The following MDFIC variants were observed in gnomAD, a reference collection of about 807,000 sequenced individuals.
The protein encoded by MDFIC is MyoD family inhibitor domain containing.
MDFIC carries 17 observed loss-of-function variants against 23.2 expected under a neutral mutation model. The ratio of observed to expected loss-of-function variants is 0.73; its 90% CI spans 0.50 to 1.10. The LOEUF (loss-of-function observed/expected upper bound fraction) is 1.10. MDFIC is among the 50% of genes least tolerant of loss of function. The pLI, the probability that MDFIC is intolerant of heterozygous loss-of-function variation, is 0.00. For missense variants in MDFIC, 356 were observed against 316.6 expected (o/e 1.12, Z -0.95); for synonymous variants, 120 against 115.2 (o/e 1.04, Z -0.27).
chr7:115,010,123 A>G (rs1447444745), intron 4 of MDFIC, among the ~76,000 whole-genome samples: 1 of 152,108 alleles, frequency 6.6e-6, no homozygotes, highest in African/African-American at 2.4e-5. Context: ...CAGAGGACCC[A>G]TTTTTTTAAA....
chr7:114,962,933 T>G (rs1447498263), intron 3 of MDFIC, among the ~76,000 whole-genome samples: 1 of 152,224 alleles, frequency 6.6e-6, no homozygotes, highest in Non-Finnish European at 1.5e-5. Flanking sequence ...TAAATAAGTT[T>G]GTATATTTCA....
intron 2 of MDFIC, among the ~76,000 whole-genome samples, chr7:114,932,231 A>C (rs1450371527): frequency 2.0e-5 from 3 of 152,216 alleles, no homozygotes; most frequent in Non-Finnish European, 2.9e-5. Flanking sequence ...TTCATACTTC[A>C]GCTAAGGAGT....
chr7:114,958,399 G>A (rs1387378743), intron 3 of MDFIC, among the ~76,000 whole-genome samples: 4 of 152,166 alleles, frequency 2.6e-5, no homozygotes, highest in Non-Finnish European at 5.9e-5. Context: ...GCATAATTTT[G>A]TGAAGTCTTT....
In MDFIC at chr7:114,979,793, A is replaced by G; in HGVS notation, c.493+12A>G. On this transcript the variant is annotated intron_variant, in intron 4 of 4. Transcript: ENST00000393486. ...CTCTTCACCTGAAGGTAAGTTTGAG[A>G]TATATGTAGATTTTATTTGACCAGA... The G allele has an allele frequency of 6.2e-7, 1 of 1,609,652 alleles. No homozygotes were observed. The highest frequency in any genetic ancestry group is 1.7e-5 in the Admixed American group (1 of 59,688).
chr7:114,932,367 A>C (rs1792326996), intron 2 of MDFIC, among the ~76,000 whole-genome samples: 1 of 152,168 alleles, frequency 6.6e-6, no homozygotes, highest in South Asian at 2.1e-4. Context: ...TACTAGCAGG[A>C]TCTGGTAATT....
At position 114,922,940 on chromosome 7, in the gene MDFIC, C is replaced by A; in HGVS notation, c.-94C>A. On this transcript the variant is annotated 5_prime_UTR_variant, in exon 2 of 5. Coordinates refer to ENST00000393486, the MANE Select transcript of MDFIC (RefSeq NM_001166345.3). ...TTTTTCCGCCAGAAGCAGTCAGTTC[C>A]CTGCACCCAGCACCTCACAGCCCTT... The A allele has an allele frequency of 6.3e-7, 1 of 1,592,812 alleles. No individual in the cohort carries two copies. Among genetic ancestry groups the A allele is most frequent in the Non-Finnish European group, 8.5e-7 (1 of 1,170,346 alleles).
At position 115,017,260 on chromosome 7, in the gene MDFIC, T is replaced by G. The variant is rs1210752959; in HGVS notation, c.*1325T>G. On this transcript the variant is annotated 3_prime_UTR_variant, in exon 5 of 5. Transcript: ENST00000393486. The stretch of plus-strand genomic sequence containing the variant: ...ACACATAATTTAAATGTTATCATAC[T>G]TTTTTGATGAAAACATAATGCCTTA... The G allele has an allele frequency of 6.6e-6, 1 of 152,184 alleles. No homozygotes were observed. Among genetic ancestry groups the G allele is most frequent in the Non-Finnish European group, 1.5e-5 (1 of 68,016 alleles). The allele number at this position is 152,184 out of a possible 1,614,324, so 9.4% of individuals were successfully genotyped here.
At chr7:114,955,154 C>T (rs1352655604) in intron 3 of MDFIC, among the ~76,000 whole-genome samples, 1 of 152,204 alleles carries the variant, frequency 6.6e-6, no homozygotes, top group Admixed American at 6.5e-5. Context: ...TGTCTAATGT[C>T]TGCTGGCTCT....
At chr7:115,014,632 G>A in intron 4 of MDFIC, 1 of 889,486 alleles carries the variant, frequency 1.1e-6, no homozygotes, top group Non-Finnish European at 1.4e-6. Context: ...AAAAAACAAG[G>A]AACCCACACA....
chr7:114,977,537 GCAAGCCATA>G (rs1793340221), intron 3 of MDFIC, among the ~76,000 whole-genome samples: 1 of 152,110 alleles, frequency 6.6e-6, no homozygotes, highest in African/African-American at 2.4e-5. Flanking sequence ...ACTTCCAAAT[GCAAGCCATA>G]CTTCTCTTCT....
At chr7:114,933,471 C>T (rs1014752975) in intron 2 of MDFIC, among the ~76,000 whole-genome samples, 3 of 152,116 alleles carry the variant, frequency 2.0e-5, no homozygotes, top group Non-Finnish European at 2.9e-5. Flanking sequence ...GTTGGTCAGG[C>T]TGGTCTTGAA....
At chr7:114,923,448 T>G in intron 2 of MDFIC, 1 of 1,537,700 alleles carries the variant, frequency 6.5e-7, no homozygotes, top group Middle Eastern at 1.7e-4. Flanking sequence ...TCTGAAGCGC[T>G]TCTCCTCTAG....
chr7:114,947,904 G>A (rs1256289414), intron 3 of MDFIC, among the ~76,000 whole-genome samples: 2 of 152,112 alleles, frequency 1.3e-5, no homozygotes, highest in African/African-American at 4.8e-5. Flanking sequence ...GGTTTTCATT[G>A]TTATTATCCT....
intron 4 of MDFIC, among the ~76,000 whole-genome samples, chr7:114,990,678 T>C (rs1198987080): frequency 6.6e-6 from 1 of 152,248 alleles, no homozygotes; most frequent in Non-Finnish European, 1.5e-5. Flanking sequence ...GGACATGAAC[T>C]CATCCTTTTT....
chr7:114,922,400 T>C lies in MDFIC; in HGVS notation c.-344T>C, dbSNP rs1358256005. The C allele has an allele frequency of 2.4e-6, 3 of 1,237,830 alleles. No individual in the cohort carries two copies. The African/African-American group carries it at 4.7e-5, about 19-fold the overall frequency. 76.7% of individuals were successfully genotyped at this position (1,237,830 alleles called of 1,614,324 possible). A position where few individuals can be genotyped will look rare whatever the true frequency, so the allele number is the denominator to read the frequency against. On this transcript the variant is annotated 5_prime_UTR_variant, in exon 1 of 5. Coordinates refer to ENST00000393486, the MANE Select transcript of MDFIC (RefSeq NM_001166345.3). ...GGGGAGCCGGCTGGAGTGAGCTGGCTGGAAAGAGGGGGCGGAGTGCGCGGA... is the reference window on the plus strand; with the variant it reads ...GGGGAGCCGGCTGGAGTGAGCTGGCCGGAAAGAGGGGGCGGAGTGCGCGGA...
At chr7:114,997,103 T>A (rs1408283688) in intron 4 of MDFIC, among the ~76,000 whole-genome samples, 1 of 152,164 alleles carries the variant, frequency 6.6e-6, no homozygotes, top group Non-Finnish European at 1.5e-5. Flanking sequence ...TTCACCCTTT[T>A]AGTGTTGTGA....
intron 2 of MDFIC, among the ~76,000 whole-genome samples, chr7:114,938,941 A>G (rs1178028614): frequency 6.6e-6 from 1 of 152,182 alleles, no homozygotes; most frequent in African/African-American, 2.4e-5. Flanking sequence ...AGAAACTTCC[A>G]TTTTGTTATT....
intron 4 of MDFIC, among the ~76,000 whole-genome samples, chr7:115,001,962 C>T (rs563428730): frequency 3.3e-5 from 5 of 152,210 alleles, no homozygotes; most frequent in Admixed American, 2.6e-4. Context: ...CATGGCTAAA[C>T]CCTGTCTGTA....
chr7:114,950,665 G>C (rs1325524787), intron 3 of MDFIC, among the ~76,000 whole-genome samples: 1 of 152,126 alleles, frequency 6.6e-6, no homozygotes, highest in African/African-American at 2.4e-5. Flanking sequence ...GGGAGGTAAA[G>C]GCTCAAGGTA....
Sources: gnomAD v4.1 joint callset for allele counts (sites outside exome capture counted in the v4.1 genomes callset) on GRCh38, gnomAD v4.1.1 for gene constraint, MANE v1.5 for transcripts, NCBI Gene and HGNC (gene_info 2026-07-23, HGNC 2026-07-21) for gene names.